Variants in FRAS1 observed in about 807,000 individuals in gnomAD.
The protein encoded by FRAS1 is extracellular matrix organizing protein FRAS1.
Under a neutral mutation model 435.2 loss-of-function variants are expected in FRAS1, and 290 were observed. The observed-to-expected ratio is 0.67, with a 90% CI of 0.61 to 0.73. The LOEUF is 0.73. FRAS1 is among the 30% of genes least tolerant of loss of function. The pLI is 0.00. For missense variants in FRAS1, 4,860 were observed against 5,001.5 expected, an observed-to-expected ratio of 0.97 and a Z score of 0.85; for synonymous variants, 1,800 against 1,851.0, an observed-to-expected ratio of 0.97 and a Z score of 0.71.
chr4:78,416,458 G>A (rs1733559664), intron 32 of FRAS1, among the ~76,000 whole-genome samples: 1 of 151,840 alleles, frequency 6.6e-6, no homozygotes, highest in Non-Finnish European at 1.5e-5. Context: ...AAAAAAAGAG[G>A]GATACATTAA....
intron 69 of FRAS1, 71 bp downstream of exon 69, chr4:78,522,879 A>G: frequency 5.3e-6 from 7 of 1,318,202 alleles, no homozygotes; most frequent in Non-Finnish European, 7.2e-6. Flanking sequence ...AGCTTGGGAA[A>G]TAGTGCTTTC....
At chr4:78,518,454 T>TATATATATATATA (rs1560423230) in intron 66 of FRAS1, among the ~76,000 whole-genome samples, 36 of 100,864 alleles carry the variant, frequency 3.6e-4, no homozygotes, top group African/African-American at 1.3e-3. Flanking sequence ...ATATATATAT[T>TATATATATATATA]TATTTATTTA....
chr4:78,290,359 C>T (rs1221336590), intron 14 of FRAS1, among the ~76,000 whole-genome samples: 1 of 152,138 alleles, frequency 6.6e-6, no homozygotes, highest in Non-Finnish European at 1.5e-5. Flanking sequence ...ATTCTGCAGG[C>T]GCAGATGTTA....
rs567743126 is a variant in FRAS1, at chr4:78,329,120, C to T, written c.2138-4152C>T. Among the ~76,000 whole-genome samples the T allele has an allele frequency of 2.2e-3, 331 of 152,296 alleles. 2 individuals carry two copies. The highest frequency in any genetic ancestry group is 7.7e-3 in the African/African-American group (320 of 41,556). ...GACCCAGACATTCTGCTTTACTTAC[C>T]TCCAACCTGACTGTTCCCATCCAGA... On this transcript the variant is annotated intron_variant, in intron 18 of 73. Transcript: ENST00000512123.
At chr4:78,535,688 C>A (rs940332176) in intron 71 of FRAS1, among the ~76,000 whole-genome samples, 6 of 152,226 alleles carry the variant, frequency 3.9e-5, no homozygotes, top group African/African-American at 1.4e-4. Context: ...CTATCTCTCA[C>A]TAGAGGATTA....
chr4:78,184,043 A>C (rs745475685), intron 2 of FRAS1, among the ~76,000 whole-genome samples: 2 of 152,178 alleles, frequency 1.3e-5, no homozygotes, highest in Admixed American at 6.5e-5. Flanking sequence ...AGCCCCACTC[A>C]GAGCCACCTA....
intron 50 of FRAS1, 137 bp from the exon 51 acceptor site, chr4:78,469,841 T>C (rs1280572349): frequency 1.7e-5 from 12 of 691,880 alleles, no homozygotes; most frequent in Non-Finnish European, 3.2e-5. Flanking sequence ...TGATAAGGGA[T>C]GGGAACGGGC....
At chr4:78,099,127 T>C (rs1043342447) in intron 2 of FRAS1, among the ~76,000 whole-genome samples, 12 of 152,172 alleles carry the variant, frequency 7.9e-5, no homozygotes, top group African/African-American at 2.2e-4. Context: ...AAAGCCTAGG[T>C]CTCAGCTTTA....
intron 47 of FRAS1, 85 bp from the exon 48 acceptor site, chr4:78,463,936 G>C (rs1266894607): frequency 2.1e-6 from 3 of 1,409,024 alleles, no homozygotes; most frequent in Non-Finnish European, 3.0e-6. Flanking sequence ...TCTCTATCTG[G>C]TGAGAGTATG....
intron 2 of FRAS1, among the ~76,000 whole-genome samples, chr4:78,190,241 CAT>C (rs1443162127): frequency 6.6e-6 from 1 of 152,190 alleles, no homozygotes; most frequent in African/African-American, 2.4e-5. Context: ...CCTTTCCTCA[CAT>C]GTCAGTCAAA....
intron 2 of FRAS1, among the ~76,000 whole-genome samples, chr4:78,083,349 A>T (rs1030265943): frequency 1.3e-5 from 2 of 152,142 alleles, no homozygotes; most frequent in African/African-American, 4.8e-5. Flanking sequence ...TCAAAAACAG[A>T]TCTGGGAAAG....
intron 1 of FRAS1, among the ~76,000 whole-genome samples, chr4:78,058,972 G>A (rs545932421): frequency 6.6e-6 from 1 of 152,350 alleles, no homozygotes; most frequent in East Asian, 1.9e-4. Flanking sequence ...TAGGGAGGGG[G>A]AAGGGAGCCG....
Position 78,421,294 on chromosome 4 carries a change from C to T in FRAS1, c.4541-569C>T, listed in dbSNP as rs533127363. On this transcript the variant is annotated intron_variant, in intron 33 of 73. Coordinates refer to ENST00000512123, the MANE Select transcript of FRAS1 (RefSeq NM_025074.7). Reference sequence around the variant, plus strand: ...TCCCGGGTAGCTGGGATTACGGGTGCGTGCCACCATACCCGGCTAATTTTT... The same window carrying T: ...TCCCGGGTAGCTGGGATTACGGGTGTGTGCCACCATACCCGGCTAATTTTT... Among the ~76,000 whole-genome samples the T allele has an allele frequency of 7.2e-4, 110 of 151,850 alleles. 1 individual carries two copies. In the Middle Eastern group the frequency reaches 0.024, roughly 34 times the overall value.
intron 2 of FRAS1, among the ~76,000 whole-genome samples, chr4:78,176,851 C>G (rs1029422492): frequency 2.0e-5 from 3 of 152,292 alleles, no homozygotes; most frequent in Non-Finnish European, 2.9e-5. Context: ...CAAGAAAGAG[C>G]CTTCTTTAGG....
At chr4:78,229,120 C>CA in intron 2 of FRAS1, among the ~76,000 whole-genome samples, 1 of 152,086 alleles carries the variant, frequency 6.6e-6, no homozygotes, top group East Asian at 1.9e-4. Flanking sequence ...ATCAGATGGA[C>CA]ACTGGTTGAA....
chr4:78,121,152 G>A (rs955959999), intron 2 of FRAS1, among the ~76,000 whole-genome samples: 2 of 152,066 alleles, frequency 1.3e-5, no homozygotes, highest in Non-Finnish European at 2.9e-5. Context: ...GTATTCCAGC[G>A]GTAAGCCTGA....
At chr4:78,459,078 G>T (rs1339077930) in intron 47 of FRAS1, among the ~76,000 whole-genome samples, 2 of 152,338 alleles carry the variant, frequency 1.3e-5, no homozygotes, top group African/African-American at 4.8e-5. Context: ...AGTGGCATGT[G>T]TTTAAAAATA....
chr4:78,500,516 G>C (rs1560414612), intron 61 of FRAS1, among the ~76,000 whole-genome samples: 1 of 152,278 alleles, frequency 6.6e-6, no homozygotes, highest in East Asian at 1.9e-4. Flanking sequence ...ACAGGAAAAG[G>C]GTTGAACTGT....
At chr4:78,484,168 G>C (rs1449242431) in intron 58 of FRAS1, among the ~76,000 whole-genome samples, 1 of 151,928 alleles carries the variant, frequency 6.6e-6, no homozygotes, top group Non-Finnish European at 1.5e-5. Context: ...TTTGCATCTG[G>C]TTTCTTTCAC....
Sources: gnomAD v4.1 joint callset for allele counts (sites outside exome capture counted in the v4.1 genomes callset) on GRCh38, gnomAD v4.1.1 for gene constraint, MANE v1.5 for transcripts, NCBI Gene and HGNC (gene_info 2026-07-23, HGNC 2026-07-21) for gene names.